Variants in ATM observed in about 807,000 individuals in gnomAD.
ATM encodes serine-protein kinase ATM.
Under a neutral mutation model 387.0 loss-of-function variants are expected in ATM, and 308 were observed. The ratio of observed to expected loss-of-function variants is 0.80; its 90% CI spans 0.73 to 0.87. The LOEUF (loss-of-function observed/expected upper bound fraction) is 0.87. ATM is among the 40% of genes least tolerant of loss of function. ATM has a pLI of 0.00. For missense variants in ATM, 3,312 were observed against 3,560.9 expected, an observed-to-expected ratio of 0.93 and a Z score of 1.78; for synonymous variants, 1,156 against 1,187.3, an observed-to-expected ratio of 0.97 and a Z score of 0.54.
At chr11:108,308,123 T>TG (rs2083837892) in intron 38 of ATM, 139 bp downstream of exon 38, 2 of 828,738 alleles carry the variant, frequency 2.4e-6, no homozygotes, top group Non-Finnish European at 3.9e-6. Context: ...TATATCTCCT[T>TG]GCAGTAATCC....
intron 15 of ATM, among the ~76,000 whole-genome samples, chr11:108,258,593 T>C (rs569844755): frequency 1.3e-5 from 2 of 152,280 alleles, no homozygotes; most frequent in African/African-American, 4.8e-5. Flanking sequence ...CCCCAGAGTA[T>C]TGATAATAAT....
At chr11:108,260,251 T>G (rs2080783227) in intron 16 of ATM, among the ~76,000 whole-genome samples, 1 of 152,118 alleles carries the variant, frequency 6.6e-6, no homozygotes. Flanking sequence ...GCCAGGCTGG[T>G]CTAGAATTCC....
chr11:108,248,893 A>G (rs1341226039), intron 8 of ATM, 40 bp from the exon 9 acceptor site: 2 of 1,550,366 alleles, frequency 1.3e-6, no homozygotes, highest in South Asian at 2.4e-5. Flanking sequence ...TGGCTCAAAA[A>G]AAAAAAAAAG....
At chr11:108,321,951 T>C (rs1347111785) in intron 45 of ATM, among the ~76,000 whole-genome samples, 4 of 152,198 alleles carry the variant, frequency 2.6e-5, no homozygotes, top group Non-Finnish European at 4.4e-5. Context: ...GCTTTTCTCT[T>C]TATAACTTTT....
At chr11:108,299,423 G>C (rs193198626) in intron 33 of ATM, 1 of 333,752 alleles carries the variant, frequency 3.0e-6, no homozygotes, top group Non-Finnish European at 5.8e-6. Context: ...TCAGCCTCCT[G>C]AGTAGCTGGG....
At chr11:108,285,825 T>C (rs141341560) in intron 26 of ATM, among the ~76,000 whole-genome samples, 4 of 152,184 alleles carry the variant, frequency 2.6e-5, no homozygotes, top group African/African-American at 4.8e-5. Context: ...CTCTAGCCAC[T>C]CCCATTCAAT....
At position 108,302,974 on chromosome 11, in the gene ATM, TG is replaced by T. The variant is rs878853522; in HGVS notation, c.5443del (p.Asp1815ThrfsTer13). The stretch of plus-strand genomic sequence containing the variant: ...ATAAAGACACTGACTTGTGCTTTTT[TG>T]GACAGTGGAGGCACAAAATGTGAAA... ...IWIKTLTCAF[L>X]DSGGTKCEIL... On this transcript the variant is annotated frameshift_variant, in exon 36 of 63. Transcript: ENST00000675843. LOFTEE classifies it high-confidence loss of function. 6.2e-7 allele frequency: 1 copy of T among 1,613,556 alleles called. No homozygotes were observed. Among genetic ancestry groups the T allele is most frequent in the Middle Eastern group, 1.7e-4 (1 of 6,054 alleles).
At chr11:108,315,981 C>G (rs1275433918) in intron 41 of ATM, 30 bp from the exon 42 acceptor site, 6 of 1,612,038 alleles carry the variant, frequency 3.7e-6, no homozygotes, top group Non-Finnish European at 5.1e-6. Flanking sequence ...GTGTAAAACC[C>G]AAAGCTATTT....
At chr11:108,333,425 T>C (rs56180078) in intron 53 of ATM, among the ~76,000 whole-genome samples, 84 of 152,334 alleles carry the variant, frequency 5.5e-4, no homozygotes, top group African/African-American at 1.9e-3. Flanking sequence ...CCCCATACTT[T>C]AATAATTGTA....
chr11:108,346,023 G>C, intron 58 of ATM, 115 bp downstream of exon 58: 3 of 1,235,884 alleles, frequency 2.4e-6, no homozygotes, highest in South Asian at 2.5e-5. Flanking sequence ...TAGTGATGAT[G>C]TGGTTAGTAA....
intron 27 of ATM, 65 bp from the exon 28 acceptor site, chr11:108,288,912 G>C (rs2135748759): frequency 1.3e-6 from 2 of 1,585,444 alleles, no homozygotes; most frequent in Non-Finnish European, 1.7e-6. Context: ...CATTTTGGAA[G>C]TTCACTGGTC....
At chr11:108,305,952 A>G (rs2083669372) in intron 37 of ATM, among the ~76,000 whole-genome samples, 2 of 152,210 alleles carry the variant, frequency 1.3e-5, no homozygotes, top group Admixed American at 1.3e-4. Context: ...CTTAAAGACC[A>G]ATCAATTCTA....
chr11:108,331,634 C>A (rs2086246803), intron 51 of ATM, 77 bp downstream of exon 51: 1 of 1,416,684 alleles, frequency 7.1e-7, no homozygotes. Flanking sequence ...AGTATATATA[C>A]CATTCCCTCT....
chr11:108,365,076 G>C lies in ATM; in HGVS notation c.8851-6G>C, dbSNP rs777096209. 6.2e-7 allele frequency: 1 copy of C among 1,613,814 alleles called. No individual in the cohort carries two copies. Among genetic ancestry groups the C allele is most frequent in the South Asian group, 1.1e-5 (1 of 91,064 alleles). ...TTCTTTTAATACATATGTTCTCTCT[G>C]TTTAGGTCCTTCTATATGATCCACT... On this transcript the variant is annotated splice_polypyrimidine_tract_variant and splice_region_variant and intron_variant, in intron 61 of 62. Transcript: ENST00000675843.
chr11:108,358,059 A>G (rs539764474), intron 61 of ATM, among the ~76,000 whole-genome samples: 1 of 147,494 alleles, frequency 6.8e-6, no homozygotes, highest in Non-Finnish European at 1.5e-5. Flanking sequence ...AAAATTTAGA[A>G]GAATGTATAA....
chr11:108,326,192 A>C lies in ATM; in HGVS notation c.6942A>C (p.Gln2314His), dbSNP rs764859160. ...EQSLALSILK[Q>H]MIKKLDASCA... The stretch of plus-strand genomic sequence containing the variant: ...GTCTTGCCCTGAGTATTCTCAAGCA[A>C]ATGATCAAGAAGTTGGATGCCAGCT... Residue 2314 changes from glutamine (Q) to histidine (H), a missense_variant, in exon 47 of 63, where the codon CAA becomes CAC. Around this residue, in one of 4 missense-constraint regions of ATM, gnomAD observed 1,405 missense variants for 1,604.4 expected, o/e 0.88. Coordinates refer to ENST00000675843, the MANE Select transcript of ATM (RefSeq NM_000051.4). The C allele has an allele frequency of 6.2e-7, 1 of 1,614,022 alleles. No individual in the cohort carries two copies. Among genetic ancestry groups the C allele is most frequent in the African/African-American group, 1.3e-5 (1 of 74,910 alleles).
chr11:108,365,387 TG>T lies in ATM; in HGVS notation c.9051del (p.Gly3019GlufsTer14). On this transcript the variant is annotated frameshift_variant, in exon 63 of 63. Transcript: ENST00000675843. LOFTEE classifies it high-confidence loss of function. ...ERVLMRLQEK[L>X]KGVEEGTVLS... ...GTCTTAATGAGACTACAAGAGAAAC[TG>T]AAAGGAGTGGAAGAAGGCACTGTGC... is the stretch of plus-strand genomic sequence containing the variant. 6.2e-7 allele frequency: 1 copy of T among 1,614,144 alleles called. No homozygotes were observed. The highest frequency in any genetic ancestry group is 8.5e-7 in the Non-Finnish European group (1 of 1,180,034).
rs771685059 is a variant in ATM, at chr11:108,244,111, T to C, written c.655T>C (p.Cys219Arg). 4 of 1,613,766 alleles carry C rather than the reference T, an allele frequency of 2.5e-6. No individual in the cohort carries two copies. The highest frequency in any genetic ancestry group is 1.7e-5 in the Admixed American group (1 of 59,984). Residue 219 changes from cysteine (C) to arginine (R), a missense_variant, in exon 6 of 63, where the codon TGT (cysteine) becomes CGT (arginine). Cys to Arg is a radical substitution (Grantham distance 180). Transcript: ENST00000675843. ...GGACTTTTTTTCCAAGGCTATTCAGTGTGCGAGGTAATCTAATCTCTTTTT... is the reference window on the plus strand; with the variant it reads ...GGACTTTTTTTCCAAGGCTATTCAGCGTGCGAGGTAATCTAATCTCTTTTT... The part of the protein sequence containing the change: ...FLDFFSKAIQ[C>R]ARQEKSSSGL...
At position 108,250,688 on chromosome 11, in the gene ATM, T is replaced by TC; in HGVS notation, c.1236-13_1236-12insC. On this transcript the variant is annotated splice_polypyrimidine_tract_variant and intron_variant, in intron 9 of 62. Coordinates refer to ENST00000675843, the MANE Select transcript of ATM (RefSeq NM_000051.4). Reference sequence around the variant, plus strand: ...GGAATAGTTTTCAAATTATCCTTTTTTTTTTTTTTTAGGCTACAGATTGCA... The same window carrying TC: ...GGAATAGTTTTCAAATTATCCTTTTTCTTTTTTTTTTAGGCTACAGATTGCA... 6.3e-7 allele frequency: 1 copy of TC among 1,594,868 alleles called. No individual in the cohort carries two copies. The highest frequency in any genetic ancestry group is 8.5e-7 in the Non-Finnish European group (1 of 1,175,792).
Sources: gnomAD v4.1 joint callset for allele counts (sites outside exome capture counted in the v4.1 genomes callset) on GRCh38, gnomAD v4.1.1 for gene constraint, gnomAD v4.1.1 regional missense constraint, MANE v1.5 for transcripts, NCBI Gene and HGNC (gene_info 2026-07-23, HGNC 2026-07-21) for gene names.